SCAI: variants seen among roughly 807,000 people sequenced by gnomAD.
The protein encoded by SCAI is suppressor of cancer cell invasion.
Under a neutral mutation model 92.2 loss-of-function variants are expected in SCAI, and 24 were observed. The ratio of observed to expected loss-of-function variants is 0.26; its 90% CI spans 0.19 to 0.37. The LOEUF (loss-of-function observed/expected upper bound fraction) is 0.37, where lower values mean the gene tolerates loss of function less well. SCAI is among the 10% of genes least tolerant of loss of function. SCAI has a pLI of 1.00. For synonymous variants in SCAI, 261 were observed against 258.6 expected, an observed-to-expected ratio of 1.01 and a Z score of -0.09; for missense variants, 450 against 736.2, an observed-to-expected ratio of 0.61 and a Z score of 4.50.
At chr9:125,013,457 A>C (rs1273000084) in intron 9 of SCAI, among the ~76,000 whole-genome samples, 5 of 152,364 alleles carry the variant, frequency 3.3e-5, no homozygotes, top group South Asian at 2.1e-4. Context: ...CTCAACACAT[A>C]CACCCTCCCA....
intron 9 of SCAI, among the ~76,000 whole-genome samples, chr9:125,016,879 A>G (rs1311378368): frequency 6.6e-6 from 1 of 152,252 alleles, no homozygotes; most frequent in Non-Finnish European, 1.5e-5. Context: ...ATTAAAATTA[A>G]GGACTTCTGT....
intron 2 of SCAI, among the ~76,000 whole-genome samples, chr9:125,092,131 T>TA (rs71374225): frequency 0.044 from 2,682 of 60,900 alleles, 383 homozygotes; most frequent in Non-Finnish European, 0.066. Flanking sequence ...CTCCGTCTCT[T>TA]AAAAAAAAAA....
chr9:125,121,006 T>C (rs1242194659), intron 2 of SCAI, among the ~76,000 whole-genome samples: 2 of 152,220 alleles, frequency 1.3e-5, no homozygotes, highest in South Asian at 2.1e-4. Flanking sequence ...GAAGAAACTT[T>C]TGACACCACT....
chr9:125,025,495 A>G (rs1360200129), intron 6 of SCAI, among the ~76,000 whole-genome samples: 1 of 152,186 alleles, frequency 6.6e-6, no homozygotes, highest in African/African-American at 2.4e-5. Context: ...GCTTATATGT[A>G]TTTTTAATGC....
At chr9:125,131,102 TA>T (rs899657485) in intron 2 of SCAI, among the ~76,000 whole-genome samples, 39 of 151,898 alleles carry the variant, frequency 2.6e-4, no homozygotes, top group African/African-American at 7.7e-4. Context: ...AACAAACAGA[TA>T]TTTTTTTAAA....
intron 3 of SCAI, among the ~76,000 whole-genome samples, chr9:125,038,944 C>A (rs984138825): frequency 1.3e-5 from 2 of 152,194 alleles, no homozygotes; most frequent in South Asian, 2.1e-4. Context: ...AAGCCATGAT[C>A]TGTGGCATTT....
intron 3 of SCAI, among the ~76,000 whole-genome samples, chr9:125,040,827 G>A (rs1211672219): frequency 6.6e-6 from 1 of 151,756 alleles, no homozygotes; most frequent in Non-Finnish European, 1.5e-5. Context: ...TAGAGACGGG[G>A]TTTCACCATA....
intron 2 of SCAI, among the ~76,000 whole-genome samples, chr9:125,104,000 G>A (rs1834727801): frequency 6.6e-6 from 1 of 152,160 alleles, no homozygotes; most frequent in Non-Finnish European, 1.5e-5. Context: ...TAGACTGTGA[G>A]CCAAAGGAAA....
chr9:125,047,960 A>G (rs1322303350), intron 3 of SCAI, among the ~76,000 whole-genome samples: 2 of 151,996 alleles, frequency 1.3e-5, no homozygotes, highest in East Asian at 3.9e-4. Context: ...TTAAATTTCT[A>G]TTAGTCATTG....
At chr9:124,976,273 A>G in intron 14 of SCAI, 87 bp from the exon 15 acceptor site, 1 of 911,204 alleles carries the variant, frequency 1.1e-6, no homozygotes, top group Non-Finnish European at 1.8e-6. Context: ...TTTTTAGTGT[A>G]TAGATTGGGC....
At chr9:125,066,883 AC>A (rs1833882318) in intron 2 of SCAI, among the ~76,000 whole-genome samples, 1 of 152,188 alleles carries the variant, frequency 6.6e-6, no homozygotes, top group Non-Finnish European at 1.5e-5. Flanking sequence ...ATAATTGCTA[AC>A]AGTATTCAGT....
rs201231496 is a variant in SCAI at position 124,952,765 on chromosome 9, T to C, written c.*42A>G. 1.8e-4 allele frequency: 276 copies of C among 1,562,426 alleles called. No individual in the cohort carries two copies. The highest frequency in any genetic ancestry group is 1.4e-3 in the African/African-American group (104 of 73,314). The stretch of plus-strand genomic sequence containing the variant: ...GTTAGAAAACTGCACCATTTAAAAT[T>C]TGTGGAAAATGAAAACTTGTTTCGA... On this transcript the variant is annotated 3_prime_UTR_variant, in exon 18 of 18. Transcript: ENST00000336505.
intron 2 of SCAI, among the ~76,000 whole-genome samples, chr9:125,119,393 ATTG>A (rs1339925540): frequency 2.0e-5 from 3 of 152,194 alleles, no homozygotes; most frequent in Non-Finnish European, 4.4e-5. Context: ...AGGCAGCAAT[ATTG>A]TTGTCCAATA....
intron 2 of SCAI, among the ~76,000 whole-genome samples, chr9:125,086,382 T>A (rs1834327142): frequency 6.6e-6 from 1 of 152,026 alleles, no homozygotes; most frequent in African/African-American, 2.4e-5. Flanking sequence ...TGGTCAGAGA[T>A]AAGGAAAAGT....
chr9:125,074,697 C>G (rs1282192634), intron 2 of SCAI, among the ~76,000 whole-genome samples: 1 of 151,828 alleles, frequency 6.6e-6, no homozygotes, highest in Non-Finnish European at 1.5e-5. Context: ...AAAATCTAAA[C>G]TCTTATATTA....
chr9:125,007,363 A>G (rs1832532604), intron 9 of SCAI, among the ~76,000 whole-genome samples: 1 of 152,298 alleles, frequency 6.6e-6, no homozygotes, highest in South Asian at 2.1e-4. Context: ...ATGAAGAAAT[A>G]GAGAATTCTG....
chr9:125,143,185 CCT>C (rs1402065628), intron 1 of SCAI, among the ~76,000 whole-genome samples, 198 bp downstream of exon 1: 1 of 151,788 alleles, frequency 6.6e-6, no homozygotes, highest in Admixed American at 6.6e-5. Context: ...CTCACACGCC[CCT>C]CTCACCTGGC....
At chr9:124,971,586 A>G in intron 16 of SCAI, 85 bp downstream of exon 16, 1 of 1,421,982 alleles carries the variant, frequency 7.0e-7, no homozygotes, top group South Asian at 1.3e-5. Context: ...ACATACCTTT[A>G]AAAATTCAAA....
intron 9 of SCAI, among the ~76,000 whole-genome samples, chr9:125,013,727 A>T (rs1318796221): frequency 6.6e-6 from 1 of 152,192 alleles, no homozygotes; most frequent in East Asian, 1.9e-4. Context: ...ACACAACCAA[A>T]AAAGAGAATT....
Sources: allele counts gnomAD v4.1 joint callset (sites outside exome capture counted in the v4.1 genomes callset), GRCh38; gene constraint gnomAD v4.1.1; transcripts MANE v1.5; gene names NCBI Gene and HGNC (gene_info 2026-07-23, HGNC 2026-07-21).